LCOR: variants seen among roughly 807,000 people sequenced by gnomAD.
LCOR encodes ligand dependent nuclear receptor corepressor.
In LCOR, 14 loss-of-function variants were observed where a neutral mutation model predicts 64.4. That is an observed-to-expected ratio of 0.22 (90% CI 0.14 to 0.34). The LOEUF is 0.34. Among genes scored for constraint, LCOR ranks in the 10% least tolerant of loss-of-function variants. The pLI is 1.00. For missense variants in LCOR, 1,686 were observed against 1,765.3 expected (o/e 0.96, Z 0.80); for synonymous variants, 643 against 642.5 (o/e 1.00, Z -0.01).
intron 2 of LCOR, among the ~76,000 whole-genome samples, chr10:96,902,045 A>C (rs1461499821): frequency 1.3e-5 from 2 of 151,866 alleles, no homozygotes; most frequent in African/African-American, 4.8e-5. Flanking sequence ...GTATTTCTCT[A>C]CTTAATTCTA....
At chr10:96,975,496 C>T (rs1300403252) in intron 7 of LCOR, among the ~76,000 whole-genome samples, 2 of 151,776 alleles carry the variant, frequency 1.3e-5, no homozygotes, top group East Asian at 1.9e-4. Flanking sequence ...TAACAACCAC[C>T]AGCCACTATC....
chr10:96,848,598 C>T (rs898597956), intron 2 of LCOR, among the ~76,000 whole-genome samples: 4 of 152,112 alleles, frequency 2.6e-5, no homozygotes, highest in Admixed American at 6.6e-5. Flanking sequence ...GCGGAGGTTG[C>T]AGTGAGCTGA....
At chr10:96,837,440 T>C (rs1232595020) in intron 2 of LCOR, among the ~76,000 whole-genome samples, 2 of 151,992 alleles carry the variant, frequency 1.3e-5, no homozygotes, top group Non-Finnish European at 2.9e-5. Flanking sequence ...GTATTTTTAG[T>C]AGAGATGAGG....
At chr10:96,867,514 T>C (rs1389495854) in intron 2 of LCOR, among the ~76,000 whole-genome samples, 1 of 152,142 alleles carries the variant, frequency 6.6e-6, no homozygotes, top group Non-Finnish European at 1.5e-5. Flanking sequence ...GGAGGATCGC[T>C]TGAGCTGAGG....
chr10:96,901,709 C>T (rs1846640461), intron 2 of LCOR, among the ~76,000 whole-genome samples: 1 of 152,146 alleles, frequency 6.6e-6, no homozygotes, highest in East Asian at 1.9e-4. Flanking sequence ...GTGTCTTTGA[C>T]ACTTCACTAT....
At chr10:96,970,115 A>G (rs1024124119) in intron 7 of LCOR, among the ~76,000 whole-genome samples, 1 of 150,386 alleles carries the variant, frequency 6.6e-6, no homozygotes, top group Non-Finnish European at 1.5e-5. Context: ...AATTGACTTG[A>G]GGCTGGGTGC....
chr10:96,858,237 G>A (rs934422602), intron 2 of LCOR, among the ~76,000 whole-genome samples: 7 of 152,142 alleles, frequency 4.6e-5, no homozygotes, highest in African/African-American at 1.7e-4. Flanking sequence ...CCTTTAACAG[G>A]TGAAACATTT....
At position 96,981,580 on chromosome 10, in the gene LCOR, A is replaced by G; in HGVS notation, c.1120A>G (p.Lys374Glu). ...CAAAGAGAATACTTTACAGTGTCCA[A>G]AAACACCTTTGCGCCAGGATTTAGA... ...ADKENTLQCP[K>E]TPLRQDLEAN... is the part of the protein sequence containing the mutation. The change falls in exon 8 of 8, where the codon AAA becomes GAA. Residue 374 changes from lysine to glutamate, a missense_variant. Around this residue, in one of 3 missense-constraint regions of LCOR, gnomAD observed 313 missense variants for 247.2 expected, o/e 1.27. Coordinates refer to ENST00000421806, the MANE Select transcript of LCOR (RefSeq NM_001346516.2). 6.2e-7 allele frequency: 1 copy of G among 1,614,248 alleles called. No individual in the cohort carries two copies. Among genetic ancestry groups the G allele is most frequent in the East Asian group, 2.2e-5 (1 of 44,892 alleles).
At chr10:96,901,303 G>T (rs922652601) in intron 2 of LCOR, among the ~76,000 whole-genome samples, 2 of 152,206 alleles carry the variant, frequency 1.3e-5, no homozygotes, top group Non-Finnish European at 2.9e-5. Context: ...GCAGGTGTGT[G>T]TCACCACATA....
intron 2 of LCOR, among the ~76,000 whole-genome samples, chr10:96,897,101 C>CAAAAA (rs370380714): frequency 2.3e-4 from 18 of 78,852 alleles, no homozygotes; most frequent in African/African-American, 7.4e-4. Flanking sequence ...GAAAGAAAAG[C>CAAAAA]AAAAAAAAAA....
chr10:96,955,887 G>A (rs1847763494), intron 7 of LCOR: 1 of 1,613,892 alleles, frequency 6.2e-7, no homozygotes, highest in African/African-American at 1.3e-5. Flanking sequence ...CCAGGGAGAG[G>A]CAGCACAAAG....
Position 96,985,347 on chromosome 10 carries a change from T to C in LCOR, c.*213T>C. ...CTAAGGGAAGTTATATATTATATTC[T>C]GGTTGTTCCTTGGGTTTTAAACTTG... On this transcript the variant is annotated 3_prime_UTR_variant, in exon 8 of 8. Coordinates refer to ENST00000421806, the MANE Select transcript of LCOR (RefSeq NM_001346516.2). 1 of 513,712 alleles carries C rather than the reference T, an allele frequency of 1.9e-6. No homozygotes were observed. The highest frequency in any genetic ancestry group is 3.2e-6 in the Non-Finnish European group (1 of 316,114). The allele number at this position is 513,712 out of a possible 1,614,324, so 31.8% of individuals were successfully genotyped here.
intron 4 of LCOR, among the ~76,000 whole-genome samples, chr10:96,924,173 CT>C (rs1847127553): frequency 6.6e-6 from 1 of 152,094 alleles, no homozygotes; most frequent in South Asian, 2.1e-4. Flanking sequence ...AGGAAACTGG[CT>C]TGTGGGAGAA....
chr10:96,923,246 G>A (rs1847111929), intron 4 of LCOR, among the ~76,000 whole-genome samples: 1 of 152,190 alleles, frequency 6.6e-6, no homozygotes, highest in African/African-American at 2.4e-5. Flanking sequence ...GTAGGCCCAT[G>A]ATCTGTCTAT....
At chr10:96,866,149 C>T (rs527811809) in intron 2 of LCOR, among the ~76,000 whole-genome samples, 24 of 152,266 alleles carry the variant, frequency 1.6e-4, no homozygotes, top group Non-Finnish European at 3.1e-4. Context: ...ATTCATATAG[C>T]ATATATTTCA....
intron 4 of LCOR, among the ~76,000 whole-genome samples, chr10:96,921,838 A>G (rs1847086836): frequency 6.6e-6 from 1 of 152,176 alleles, no homozygotes; most frequent in South Asian, 2.1e-4. Context: ...CTCCCATTGA[A>G]TCGTGTTGGT....
At chr10:96,955,601 A>T in intron 7 of LCOR, 3 of 1,614,198 alleles carry the variant, frequency 1.9e-6, no homozygotes, top group Non-Finnish European at 2.5e-6. Flanking sequence ...CATATCCCAC[A>T]TCGGATCAAG....
At chr10:96,866,899 G>C (rs916890676) in intron 2 of LCOR, among the ~76,000 whole-genome samples, 16 of 152,070 alleles carry the variant, frequency 1.1e-4, no homozygotes, top group African/African-American at 3.9e-4. Context: ...GAAAGAGGTT[G>C]TGCCACCACT....
At chr10:96,836,077 T>C (rs531477544) in intron 2 of LCOR, among the ~76,000 whole-genome samples, 2 of 152,338 alleles carry the variant, frequency 1.3e-5, no homozygotes, top group East Asian at 3.9e-4. Context: ...TCAGCTTAGC[T>C]CTAGCTTGGC....
Sources: allele counts gnomAD v4.1 joint callset (sites outside exome capture counted in the v4.1 genomes callset), GRCh38; gene constraint gnomAD v4.1.1; regional missense constraint gnomAD v4.1.1; transcripts MANE v1.5; gene names NCBI Gene and HGNC (gene_info 2026-07-23, HGNC 2026-07-21).